EFCAB7: variants seen among roughly 807,000 people sequenced by gnomAD.
The protein encoded by EFCAB7 is EF-hand calcium binding domain 7.
A neutral mutation model predicts 77.1 loss-of-function variants in EFCAB7; 66 were observed. That is an observed-to-expected ratio of 0.86 (90% CI 0.70 to 1.05). The LOEUF is 1.05. EFCAB7 is among the 50% of genes least tolerant of loss of function. The probability of loss-of-function intolerance (pLI) is 0.00; values close to 1 mark genes in which losing one functional copy is unlikely to be tolerated. For missense variants in EFCAB7, 638 were observed against 730.5 expected (o/e 0.87, Z 1.46); for synonymous variants, 225 against 243.3 (o/e 0.92, Z 0.70).
At chr1:63,539,482 G>T (rs1241475043) in intron 6 of EFCAB7, among the ~76,000 whole-genome samples, 1 of 151,976 alleles carries the variant, frequency 6.6e-6, no homozygotes, top group Non-Finnish European at 1.5e-5. Flanking sequence ...TTAAAAACTG[G>T]CTTAAAAAAT....
At chr1:63,562,095 A>C (rs1647108234) in intron 11 of EFCAB7, among the ~76,000 whole-genome samples, 1 of 152,082 alleles carries the variant, frequency 6.6e-6, no homozygotes, top group Non-Finnish European at 1.5e-5. Context: ...TAAGCATATA[A>C]TATGCAGGAA....
the EFCAB7 span, among the ~76,000 whole-genome samples, chr1:63,577,825 G>A: frequency 1.3e-5 from 2 of 152,098 alleles, no homozygotes; most frequent in African/African-American, 4.8e-5. Flanking sequence ...CAGAAGAGGA[G>A]GGGAAGGCTT....
At chr1:63,561,645 G>T in intron 10 of EFCAB7, 64 bp from the exon 11 acceptor site, 1 of 1,029,254 alleles carries the variant, frequency 9.7e-7, no homozygotes, top group South Asian at 2.0e-5. Flanking sequence ...ATATATCATA[G>T]ACATTTTATT....
intron 3 of EFCAB7, among the ~76,000 whole-genome samples, 184 bp downstream of exon 3, chr1:63,532,215 T>TA (rs1646706151): frequency 6.6e-6 from 1 of 152,084 alleles, no homozygotes; most frequent in Non-Finnish European, 1.5e-5. Context: ...AAATAAAAGA[T>TA]AAAGTATAAA....
chr1:63,552,416 C>A (rs1169539663), intron 8 of EFCAB7, among the ~76,000 whole-genome samples: 1 of 152,020 alleles, frequency 6.6e-6, no homozygotes, highest in Non-Finnish European at 1.5e-5. Context: ...TCCCTAAATG[C>A]AAGCAATTCA....
intron 10 of EFCAB7, among the ~76,000 whole-genome samples, chr1:63,560,251 C>T (rs777648849): frequency 2.0e-5 from 3 of 151,730 alleles, no homozygotes; most frequent in Non-Finnish European, 4.4e-5. Flanking sequence ...TGCGCCTGGC[C>T]CAAGTGTTAA....
intron 2 of EFCAB7, among the ~76,000 whole-genome samples, chr1:63,531,195 T>C (rs908806554): frequency 2.6e-5 from 4 of 152,080 alleles, no homozygotes; most frequent in African/African-American, 9.7e-5. Context: ...AAGTTCCCCT[T>C]CCCAGTCTCT....
Position 63,532,655 on chromosome 1 carries a change from GT to G in EFCAB7, c.400-4del, listed in dbSNP as rs72163225. On this transcript the variant is annotated splice_polypyrimidine_tract_variant and intron_variant, in intron 3 of 13. Transcript: ENST00000371088. The stretch of plus-strand genomic sequence containing the variant: ...ATCATGTTGCTTTAAAATAAATCTT[GT>G]TTTTTTTTTTCAGAGAGGTGAGAAG... The G allele has an allele frequency of 5.9e-3, 6,884 of 1,162,118 alleles. No individual in the cohort carries two copies. The highest frequency in any genetic ancestry group is 9.9e-3 in the South Asian group (614 of 62,046). 72.0% of individuals were successfully genotyped at this position (1,162,118 alleles called of 1,614,324 possible).
At chr1:63,539,538 A>G (rs903265902) in intron 6 of EFCAB7, among the ~76,000 whole-genome samples, 18 of 152,324 alleles carry the variant, frequency 1.2e-4, no homozygotes, top group African/African-American at 4.1e-4. Context: ...TTAGAATATA[A>G]CTTACACACT....
intron 6 of EFCAB7, among the ~76,000 whole-genome samples, chr1:63,544,876 ATATT>A (rs938883956): frequency 1.1e-4 from 17 of 149,694 alleles, no homozygotes; most frequent in Non-Finnish European, 1.9e-4. Context: ...TTACAGCAAC[ATATT>A]TATTTATTAC....
intron 11 of EFCAB7, among the ~76,000 whole-genome samples, chr1:63,564,700 G>GA (rs998212144): frequency 2.1e-5 from 3 of 142,670 alleles, no homozygotes; most frequent in Non-Finnish European, 4.5e-5. Context: ...TACAGAACTA[G>GA]AAAAAAAATT....
downstream of EFCAB7, among the ~76,000 whole-genome samples, chr1:63,575,490 T>G (rs75460053): frequency 0.049 from 7,532 of 152,242 alleles, 653 homozygotes; most frequent in African/African-American, 0.17. Flanking sequence ...ATGGATAGTA[T>G]TATATTTCTC....
chr1:63,565,698 A>C (rs1003490546), intron 11 of EFCAB7, among the ~76,000 whole-genome samples: 2 of 151,900 alleles, frequency 1.3e-5, no homozygotes, highest in African/African-American at 2.4e-5. Flanking sequence ...TTCCATTAAA[A>C]ATGGGCAAAT....
In EFCAB7 at chr1:63,545,948, C is replaced by T; in HGVS notation, c.837C>T (p.Phe279=). The T allele has an allele frequency of 1.2e-6, 2 of 1,613,768 alleles. No homozygotes were observed. Among genetic ancestry groups the T allele is most frequent in the Non-Finnish European group, 8.5e-7 (1 of 1,179,894 alleles). ...DWQHMQSKGC[F]FLEEDGEIIS... is the part of the protein sequence containing the mutation. ...AACACATGCAATCAAAAGGTTGCTT[C>T]TTCTTAGAAGAAGATGGTGAAATCA... is the stretch of plus-strand genomic sequence containing the variant. Residue 279 remains phenylalanine, a synonymous_variant, in exon 7 of 14, where the codon TTC becomes TTT. Transcript: ENST00000371088.
At chr1:63,546,130 C>T in intron 7 of EFCAB7, 73 bp downstream of exon 7, 1 of 1,474,128 alleles carries the variant, frequency 6.8e-7, no homozygotes, top group Non-Finnish European at 9.2e-7. Flanking sequence ...TGTAAGTATT[C>T]CATAGTCCTA....
At chr1:63,540,255 T>G (rs899159166) in intron 6 of EFCAB7, among the ~76,000 whole-genome samples, 1 of 150,262 alleles carries the variant, frequency 6.7e-6, no homozygotes, top group Non-Finnish European at 1.5e-5. Flanking sequence ...TCCCAGCTAC[T>G]CGGGAGGCTG....
intron 6 of EFCAB7, among the ~76,000 whole-genome samples, chr1:63,534,880 C>CTTATATCTTTAAATTGCTAGAGAG (rs1646745052): frequency 6.6e-6 from 1 of 151,944 alleles, no homozygotes; most frequent in East Asian, 1.9e-4. Flanking sequence ...TCTGAAGTCC[C>CTTATATCTTTAAATTGCTAGAGAG]TTATATCTTT....
intron 7 of EFCAB7, among the ~76,000 whole-genome samples, chr1:63,546,591 C>T (rs920521646): frequency 1.3e-5 from 2 of 152,194 alleles, no homozygotes; most frequent in Admixed American, 1.3e-4. Flanking sequence ...TGGTCTCAAA[C>T]TCCTGACCTC....
intron 7 of EFCAB7, chr1:63,550,554 T>C (rs910827741): frequency 1.3e-5 from 2 of 152,050 alleles, no homozygotes; most frequent in Admixed American, 1.3e-4. Flanking sequence ...TATCAATTTG[T>C]TTATATTTTT....
Sources: gnomAD v4.1 joint callset for allele counts (sites outside exome capture counted in the v4.1 genomes callset) on GRCh38, gnomAD v4.1.1 for gene constraint, MANE v1.5 for transcripts, NCBI Gene and HGNC (gene_info 2026-07-23, HGNC 2026-07-21) for gene names.